Variants in OR6N1 observed in about 807,000 individuals in gnomAD.
The protein encoded by OR6N1 is olfactory receptor family 6 subfamily N member 1.
For missense variants in OR6N1, 394 were observed against 371.7 expected (o/e 1.06, Z -0.49); for synonymous variants, 170 against 150.7 (o/e 1.13, Z -0.94).
At chr1:158,774,226 T>G (rs1406470340), upstream of OR6N1, 1 of 152,230 alleles carries the variant, frequency 6.6e-6, no homozygotes, top group Non-Finnish European at 1.5e-5. Flanking sequence ...ATAGTAGCAA[T>G]GTACTGTGTG....
chr1:158,830,607 A>C, the OR6N1 span, among the ~76,000 whole-genome samples: 8 of 152,150 alleles, frequency 5.3e-5, no homozygotes, highest in Admixed American at 1.3e-4. Flanking sequence ...AGGAAAAAAA[A>C]ATTGCAGTAC....
the OR6N1 span, among the ~76,000 whole-genome samples, chr1:158,802,545 T>C: frequency 6.6e-6 from 1 of 151,856 alleles, no homozygotes; most frequent in African/African-American, 2.4e-5. Context: ...CAGAGGTGAG[T>C]TTCATCTTAA....
the OR6N1 span, among the ~76,000 whole-genome samples, chr1:158,839,063 T>G: frequency 3.5e-4 from 53 of 152,308 alleles, 1 homozygote; most frequent in East Asian, 9.8e-3. Context: ...GACAAGAAAG[T>G]CTGAGGGCTG....
chr1:158,829,915 GGCAACT>G, the OR6N1 span, among the ~76,000 whole-genome samples: 1 of 152,104 alleles, frequency 6.6e-6, no homozygotes, highest in Admixed American at 6.5e-5. Flanking sequence ...GCTTGCTCAG[GGCAACT>G]CCCATTTTTT....
chr1:158,831,041 G>C, the OR6N1 span, among the ~76,000 whole-genome samples: 2 of 152,162 alleles, frequency 1.3e-5, no homozygotes, highest in African/African-American at 4.8e-5. Context: ...AGAAACTTTG[G>C]TGTTTTGCCT....
chr1:158,777,243 G>A, the OR6N1 span: 1 of 1,614,138 alleles, frequency 6.2e-7, no homozygotes, highest in South Asian at 1.1e-5. Context: ...TTATAGGGTA[G>A]TGGAGGGGCC....
chr1:158,797,130 A>C, the OR6N1 span, among the ~76,000 whole-genome samples: 2 of 152,188 alleles, frequency 1.3e-5, no homozygotes, highest in African/African-American at 4.8e-5. Flanking sequence ...AGATACAGAG[A>C]GTTTCCCAGG....
At chr1:158,820,891 A>C in the OR6N1 span, among the ~76,000 whole-genome samples, 1 of 152,252 alleles carries the variant, frequency 6.6e-6, no homozygotes, top group Non-Finnish European at 1.5e-5. Flanking sequence ...CAACGTATGC[A>C]TACCAGCCTT....
At chr1:158,838,113 A>G in the OR6N1 span, among the ~76,000 whole-genome samples, 16 of 152,094 alleles carry the variant, frequency 1.1e-4, no homozygotes, top group Middle Eastern at 3.4e-3. Context: ...ATAATAAAAA[A>G]TGATTACAAA....
the OR6N1 span, among the ~76,000 whole-genome samples, chr1:158,829,526 C>G: frequency 6.6e-6 from 1 of 152,178 alleles, no homozygotes. Flanking sequence ...ACCACCACAG[C>G]CTGGATCTTA....
the OR6N1 span, among the ~76,000 whole-genome samples, chr1:158,834,971 C>A: frequency 6.6e-6 from 1 of 152,248 alleles, no homozygotes; most frequent in South Asian, 2.1e-4. Context: ...TTCCATTGTT[C>A]TTTATGTCTG....
the OR6N1 span, among the ~76,000 whole-genome samples, chr1:158,832,508 A>G: frequency 6.6e-6 from 1 of 151,662 alleles, no homozygotes; most frequent in Non-Finnish European, 1.5e-5. Context: ...TTTTACATAG[A>G]ATATGTATAT....
chr1:158,784,560 TC>T, the OR6N1 span, among the ~76,000 whole-genome samples: 1 of 152,150 alleles, frequency 6.6e-6, no homozygotes, highest in Non-Finnish European at 1.5e-5. Context: ...TTAATCGACT[TC>T]CCATCTTTCA....
chr1:158,836,502 T>C, the OR6N1 span, among the ~76,000 whole-genome samples: 1 of 151,952 alleles, frequency 6.6e-6, no homozygotes, highest in Admixed American at 6.6e-5. Context: ...TTCATTTAGG[T>C]TATCCCACTT....
the OR6N1 span, chr1:158,777,453 G>T: frequency 6.2e-7 from 1 of 1,614,224 alleles, no homozygotes; most frequent in South Asian, 1.1e-5. Flanking sequence ...CACTGACAAA[G>T]TGGTACATAG....
At chr1:158,838,014 T>C in the OR6N1 span, among the ~76,000 whole-genome samples, 2 of 151,970 alleles carry the variant, frequency 1.3e-5, no homozygotes, top group African/African-American at 2.4e-5. Flanking sequence ...ACATATTTTA[T>C]GTTAATATTA....
At chr1:158,782,171 GA>G in the OR6N1 span, among the ~76,000 whole-genome samples, 1 of 152,154 alleles carries the variant, frequency 6.6e-6, no homozygotes, top group Admixed American at 6.5e-5. Flanking sequence ...GTATTTATTT[GA>G]ACCAGTATTT....
chr1:158,838,520 G>A, the OR6N1 span, among the ~76,000 whole-genome samples: 26,548 of 151,764 alleles, frequency 0.17, 2,562 homozygotes, highest in Admixed American at 0.26. Flanking sequence ...TTTTCTTTTC[G>A]TCTTTGAGTG....
the OR6N1 span, among the ~76,000 whole-genome samples, chr1:158,814,469 C>T: frequency 0.4 from 60,326 of 151,958 alleles, 12,575 homozygotes; most frequent in Non-Finnish European, 0.47. Context: ...AACAAACTAC[C>T]GCAGATTCGG....
Sources: gnomAD v4.1 joint callset for allele counts (sites outside exome capture counted in the v4.1 genomes callset) on GRCh38, gnomAD v4.1.1 for gene constraint, MANE v1.5 for transcripts, NCBI Gene and HGNC (gene_info 2026-07-23, HGNC 2026-07-21) for gene names.